OPCML: variants seen among roughly 807,000 people sequenced by gnomAD.
The protein encoded by OPCML is opioid binding protein/cell adhesion molecule like, also known as opioid-binding protein/cell adhesion molecule.
OPCML carries 13 observed loss-of-function variants against 37.8 expected under a neutral mutation model. The ratio of observed to expected loss-of-function variants is 0.34; its 90% CI spans 0.22 to 0.55. The LOEUF (loss-of-function observed/expected upper bound fraction) is 0.55, where lower values mean the gene tolerates loss of function less well. OPCML is among the 20% of genes least tolerant of loss of function. The pLI, the probability that OPCML is intolerant of heterozygous loss-of-function variation, is 0.91. For synonymous variants in OPCML, 176 were observed against 168.8 expected (o/e 1.04, Z -0.33); for missense variants, 341 against 435.6 (o/e 0.78, Z 1.93).
intron 1 of OPCML, among the ~76,000 whole-genome samples, chr11:133,270,475 C>T (rs946287103): frequency 6.6e-6 from 1 of 152,114 alleles, no homozygotes; most frequent in South Asian, 2.1e-4. Flanking sequence ...TGCTTGGAGA[C>T]ATATAAGGGA....
At chr11:133,455,818 T>G (rs146010824) in intron 1 of OPCML, among the ~76,000 whole-genome samples, 1 of 152,242 alleles carries the variant, frequency 6.6e-6, no homozygotes, top group East Asian at 1.9e-4. Flanking sequence ...AGCCACCAAG[T>G]GAATTCCCAC....
chr11:133,508,023 A>G (rs1948072890), intron 1 of OPCML, among the ~76,000 whole-genome samples: 1 of 152,142 alleles, frequency 6.6e-6, no homozygotes, highest in Non-Finnish European at 1.5e-5. Context: ...AACACTAGAT[A>G]TTAGGATTAC....
chr11:133,061,517 G>C (rs1224584772), intron 1 of OPCML, among the ~76,000 whole-genome samples: 1 of 152,128 alleles, frequency 6.6e-6, no homozygotes, highest in East Asian at 1.9e-4. Context: ...CTATCACCTT[G>C]AAATGAGTGT....
rs544061976 is a variant in OPCML, at chr11:132,712,322, C to G, written c.147-55003G>C. ...CCCACCCTCCCCCACATCCTCCTCC[C>G]CCACAAGTGGTCTGATGCGAGCTTG... On this transcript the variant is annotated intron_variant, in intron 2 of 7. Transcript: ENST00000524381. 2.6e-5 allele frequency among the ~76,000 whole-genome samples: 4 copies of G among 151,990 alleles called. No individual in the cohort carries two copies. The East Asian group carries it at 5.8e-4, about 22-fold the overall frequency.
At chr11:132,564,898 C>T (rs932891810) in intron 3 of OPCML, among the ~76,000 whole-genome samples, 1 of 152,180 alleles carries the variant, frequency 6.6e-6, no homozygotes, top group African/African-American at 2.4e-5. Flanking sequence ...CTTGCCTCCT[C>T]ATCTTATTAA....
In OPCML at chr11:133,194,204, A is replaced by AC. The variant is rs1938441791; in HGVS notation, c.62-251195dup. Among the ~76,000 whole-genome samples the AC allele has an allele frequency of 1.4e-4, 12 of 85,018 alleles. No homozygotes were observed. The Admixed American group carries it at 1.5e-3, about 11-fold the overall frequency. The allele number at this position is 85,018 out of a possible 152,430, so 55.8% of individuals were successfully genotyped here. ...CTTCCCTTCCCTTTCCCCTTCCCCC[A>AC]CTTTTTTTTTTTTTTTTTTTTTGAG... On this transcript the variant is annotated intron_variant, in intron 1 of 7. Coordinates refer to ENST00000524381, the MANE Select transcript of OPCML (RefSeq NM_001012393.5).
intron 2 of OPCML, among the ~76,000 whole-genome samples, chr11:132,832,693 G>C (rs1015056617): frequency 5.9e-5 from 9 of 152,186 alleles, no homozygotes; most frequent in African/African-American, 1.9e-4. Flanking sequence ...CTTACTAGCT[G>C]AGATACATTA....
intron 1 of OPCML, among the ~76,000 whole-genome samples, chr11:133,282,770 A>G (rs1456562340): frequency 1.3e-5 from 2 of 152,228 alleles, no homozygotes; most frequent in East Asian, 3.9e-4. Context: ...ACAGGAGCAG[A>G]GTTTCCCAAA....
In OPCML at chr11:132,820,061, CTGAATGAA is replaced by C. The variant is rs35080742; in HGVS notation, c.146+122857_146+122864del. On this transcript the variant is annotated intron_variant, in intron 2 of 7. Coordinates refer to ENST00000524381, the MANE Select transcript of OPCML (RefSeq NM_001012393.5). Reference sequence around the variant, plus strand: ...ACATATAGCCTTAACACAGCAAAAACTGAATGAATGAATGAATGAATGAATGAATGAAT... The same window carrying C: ...ACATATAGCCTTAACACAGCAAAAACTGAATGAATGAATGAATGAATGAAT... 7.8e-3 allele frequency among the ~76,000 whole-genome samples: 576 copies of C among 74,006 alleles called. 4 individuals carry two copies. Among genetic ancestry groups the C allele is most frequent in the African/African-American group, 0.017 (357 of 21,048 alleles). The allele number at this position is 74,006 out of a possible 152,430, so 48.6% of individuals were successfully genotyped here. A position where few individuals can be genotyped will look rare whatever the true frequency, so the allele number is the denominator to read the frequency against.
chr11:132,733,298 A>G (rs1945144884), intron 2 of OPCML, among the ~76,000 whole-genome samples: 1 of 152,096 alleles, frequency 6.6e-6, no homozygotes, highest in South Asian at 2.1e-4. Context: ...GTATAGATAC[A>G]AGACAAAGGA....
At chr11:133,244,555 A>G (rs77733049) in intron 1 of OPCML, among the ~76,000 whole-genome samples, 5,401 of 152,252 alleles carry the variant, frequency 0.035, 286 homozygotes, top group African/African-American at 0.12. Flanking sequence ...ATGTCGAATT[A>G]TAATCTCCAG....
intron 1 of OPCML, among the ~76,000 whole-genome samples, chr11:133,384,752 G>C (rs920417848): frequency 6.6e-6 from 1 of 152,188 alleles, no homozygotes; most frequent in Non-Finnish European, 1.5e-5. Context: ...GGACTTCTCA[G>C]TCCACCCGCT....
At chr11:132,962,033 C>G (rs1200840752) in intron 1 of OPCML, among the ~76,000 whole-genome samples, 1 of 152,274 alleles carries the variant, frequency 6.6e-6, no homozygotes, top group African/African-American at 2.4e-5. Flanking sequence ...AGGACACTTT[C>G]TCTTTGCTAC....
intron 3 of OPCML, among the ~76,000 whole-genome samples, chr11:132,557,191 T>C (rs1169833970): frequency 3.3e-5 from 5 of 152,176 alleles, no homozygotes; most frequent in Non-Finnish European, 7.3e-5. Flanking sequence ...AATACAGTGC[T>C]CAGGGAAAGT....
rs558399455 is a variant in OPCML, at chr11:132,886,506, C to T, written c.146+56420G>A. Among the ~76,000 whole-genome samples the T allele has an allele frequency of 2.6e-5, 4 of 152,358 alleles. No homozygotes were observed. In the East Asian group the frequency reaches 7.7e-4, roughly 29 times the overall value. ...AGAAGGACCAGCTCCAGCTGGGGGC[C>T]TCTCCAGCATGTGGTCTCTGGGTAA... is the stretch of plus-strand genomic sequence containing the variant. On this transcript the variant is annotated intron_variant, in intron 2 of 7. Transcript: ENST00000524381.
At chr11:133,222,960 G>A (rs1057178370) in intron 1 of OPCML, among the ~76,000 whole-genome samples, 2 of 152,168 alleles carry the variant, frequency 1.3e-5, no homozygotes, top group African/African-American at 4.8e-5. Flanking sequence ...TGTGTACTTG[G>A]GACATTTAGA....
At chr11:133,446,348 CTATAT>C (rs2136949758) in intron 1 of OPCML, among the ~76,000 whole-genome samples, 1 of 152,312 alleles carries the variant, frequency 6.6e-6, no homozygotes, top group African/African-American at 2.4e-5. Flanking sequence ...AATTCCCTTA[CTATAT>C]ATTTTTGAAT....
intron 1 of OPCML, among the ~76,000 whole-genome samples, chr11:132,982,142 G>A (rs935719133): frequency 2.6e-5 from 4 of 152,018 alleles, no homozygotes; most frequent in African/African-American, 9.7e-5. Flanking sequence ...GGCTACTCTT[G>A]TTCCTAGTGC....
At chr11:132,765,491 T>C (rs573163972) in intron 2 of OPCML, among the ~76,000 whole-genome samples, 1 of 152,312 alleles carries the variant, frequency 6.6e-6, no homozygotes, top group South Asian at 2.1e-4. Flanking sequence ...CGGCTTCCTG[T>C]TATTTCCATC....
Sources: gnomAD v4.1 joint callset for allele counts (sites outside exome capture counted in the v4.1 genomes callset) on GRCh38, gnomAD v4.1.1 for gene constraint, MANE v1.5 for transcripts, NCBI Gene and HGNC (gene_info 2026-07-23, HGNC 2026-07-21) for gene names.